APP: variants seen among roughly 807,000 people sequenced by gnomAD.
APP encodes amyloid-beta precursor protein.
Under a neutral mutation model 101.4 loss-of-function variants are expected in APP, and 31 were observed. That is an observed-to-expected ratio of 0.31 (90% CI 0.23 to 0.41). The LOEUF (loss-of-function observed/expected upper bound fraction) is 0.41, where lower values mean the gene tolerates loss of function less well. Ranked by LOEUF, APP falls within the 10% of genes least tolerant of loss-of-function variation. APP has a pLI of 1.00. For synonymous variants in APP, 366 were observed against 364.4 expected, an observed-to-expected ratio of 1.00 and a Z score of -0.05; for missense variants, 839 against 1,003.7, an observed-to-expected ratio of 0.84 and a Z score of 2.22.
intron 13 of APP, among the ~76,000 whole-genome samples, chr21:25,924,411 C>CAAAAAAAAAAAAAAAAAAAAA (rs551284093): frequency 1.8e-5 from 1 of 56,842 alleles, no homozygotes; most frequent in Non-Finnish European, 2.9e-5. Flanking sequence ...TTTGCAAATA[C>CAAAAAAAAAAAAAAAAAAAAA]AAAAAAAAAA....
At chr21:26,065,146 G>C (rs1017667523) in intron 3 of APP, among the ~76,000 whole-genome samples, 5 of 152,058 alleles carry the variant, frequency 3.3e-5, no homozygotes, top group African/African-American at 1.2e-4. Context: ...CGGCCACCCC[G>C]CCCGGCCCAC....
chr21:25,961,918 A>C (rs1032350271), intron 11 of APP, among the ~76,000 whole-genome samples: 6 of 151,748 alleles, frequency 4.0e-5, no homozygotes, highest in Admixed American at 6.6e-5. Flanking sequence ...TTTTTTTTTA[A>C]CCTGCAGGCA....
Position 25,988,702 on chromosome 21 carries a change from C to CAAAAAAAAAAAAA in APP, c.1091-6238_1091-6226dup, listed in dbSNP as rs537417600. 9.9e-3 allele frequency among the ~76,000 whole-genome samples: 616 copies of CAAAAAAAAAAAAA among 62,216 alleles called. 29 individuals carry two copies. The highest frequency in any genetic ancestry group is 0.041 in the East Asian group (75 of 1,842). The allele number at this position is 62,216 out of a possible 152,430, so 40.8% of individuals were successfully genotyped here. A position where few individuals can be genotyped will look rare whatever the true frequency, so the allele number is the denominator to read the frequency against. ...GGGTGATAACAGCGAAACTCTGTCT[C>CAAAAAAAAAAAAA]AAAAAAAAAAAAAAAAAAAAAGGAG... is the stretch of plus-strand genomic sequence containing the variant. On this transcript the variant is annotated intron_variant, in intron 8 of 17. Transcript: ENST00000346798.
chr21:26,112,381 G>T (rs532293581), intron 1 of APP, among the ~76,000 whole-genome samples: 15 of 152,158 alleles, frequency 9.9e-5, no homozygotes, highest in Admixed American at 5.2e-4. Flanking sequence ...TACCAATACC[G>T]AAAGGAATTT....
At chr21:26,040,263 C>T (rs374974012) in intron 5 of APP, among the ~76,000 whole-genome samples, 6 of 152,124 alleles carry the variant, frequency 3.9e-5, no homozygotes, top group African/African-American at 1.2e-4. Context: ...ATTAGGGATG[C>T]TCAACCTGTA....
intron 11 of APP, among the ~76,000 whole-genome samples, chr21:25,964,606 CTTT>C (rs150904952): frequency 2.4e-5 from 3 of 122,562 alleles, no homozygotes; most frequent in Admixed American, 8.4e-5. Flanking sequence ...TTTTTCTTTT[CTTT>C]TTTTTTTTTT....
chr21:25,988,327 G>A (rs913187169), intron 8 of APP, among the ~76,000 whole-genome samples: 4 of 152,180 alleles, frequency 2.6e-5, no homozygotes, highest in African/African-American at 9.7e-5. Flanking sequence ...GGCTGTTTGA[G>A]GGGGAGTATA....
chr21:26,142,816 C>G (rs575948227), intron 1 of APP, among the ~76,000 whole-genome samples: 8 of 152,136 alleles, frequency 5.3e-5, no homozygotes, highest in Non-Finnish European at 1.2e-4. Flanking sequence ...TAGTGTCACT[C>G]AGCATCACTT....
intron 3 of APP, among the ~76,000 whole-genome samples, chr21:26,060,138 A>G (rs1324329753): frequency 6.6e-6 from 1 of 152,220 alleles, no homozygotes; most frequent in Non-Finnish European, 1.5e-5. Context: ...TAATCAAAAC[A>G]GCAACAGCTA....
intron 1 of APP, chr21:26,140,055 A>G: frequency 1.0e-6 from 1 of 978,574 alleles, no homozygotes; most frequent in Non-Finnish European, 1.5e-6. Context: ...CACAATAAGT[A>G]ACATTGTACT....
chr21:26,008,921 T>C (rs1442443502), intron 6 of APP, among the ~76,000 whole-genome samples: 1 of 152,184 alleles, frequency 6.6e-6, no homozygotes, highest in Non-Finnish European at 1.5e-5. Flanking sequence ...CTGCACCATA[T>C]GGAAGGCAGG....
chr21:26,137,987 A>AT (rs2062957022), intron 1 of APP, among the ~76,000 whole-genome samples: 1 of 152,128 alleles, frequency 6.6e-6, no homozygotes, highest in South Asian at 2.1e-4. Flanking sequence ...TATCATAGGT[A>AT]TTTTTTGTGG....
At chr21:26,095,051 G>A (rs1441735918) in intron 2 of APP, among the ~76,000 whole-genome samples, 4 of 152,124 alleles carry the variant, frequency 2.6e-5, no homozygotes, top group Non-Finnish European at 4.4e-5. Context: ...TCACCATGTT[G>A]GCCAGGATGC....
chr21:26,060,384 C>T (rs569936010), intron 3 of APP, among the ~76,000 whole-genome samples: 9 of 152,314 alleles, frequency 5.9e-5, no homozygotes, highest in African/African-American at 2.2e-4. Context: ...ACTCTTGCAC[C>T]GAGTGCTGGT....
At chr21:26,056,764 A>C (rs2046058829) in intron 3 of APP, among the ~76,000 whole-genome samples, 1 of 152,208 alleles carries the variant, frequency 6.6e-6, no homozygotes, top group South Asian at 2.1e-4. Context: ...CTGGTTACTT[A>C]ATAAGCTCTC....
At chr21:26,019,294 T>C (rs937459031) in intron 6 of APP, among the ~76,000 whole-genome samples, 1 of 152,236 alleles carries the variant, frequency 6.6e-6, no homozygotes, top group African/African-American at 2.4e-5. Flanking sequence ...CTAGCTTAAA[T>C]TGGACCAATC....
chr21:26,036,378 G>A (rs962034301), intron 5 of APP, among the ~76,000 whole-genome samples: 11 of 152,098 alleles, frequency 7.2e-5, no homozygotes, highest in African/African-American at 2.4e-4. Context: ...CTAGACAAAG[G>A]GCTTCTGAGA....
intron 11 of APP, among the ~76,000 whole-genome samples, chr21:25,958,308 G>A (rs1375344544): frequency 1.3e-5 from 2 of 151,910 alleles, no homozygotes; most frequent in East Asian, 1.9e-4. Flanking sequence ...ATGGAATCTC[G>A]CCCTGTCTCC....
intron 11 of APP, among the ~76,000 whole-genome samples, chr21:25,956,842 G>A (rs2041344043): frequency 6.6e-6 from 1 of 152,134 alleles, no homozygotes; most frequent in Admixed American, 6.5e-5. Context: ...ATCTCAGGTG[G>A]AACGAGGTAC....
Sources: allele counts gnomAD v4.1 joint callset (sites outside exome capture counted in the v4.1 genomes callset), GRCh38; gene constraint gnomAD v4.1.1; transcripts MANE v1.5; gene names NCBI Gene and HGNC (gene_info 2026-07-23, HGNC 2026-07-21).